Variants in KCNK12 observed in about 807,000 individuals in gnomAD.
KCNK12 encodes potassium channel subfamily K member 12.
Under a neutral mutation model 25.3 loss-of-function variants are expected in KCNK12, and 6 were observed. The ratio of observed to expected loss-of-function variants is 0.24; its 90% CI spans 0.13 to 0.47. The LOEUF is 0.47. KCNK12 is among the 20% of genes least tolerant of loss of function. The pLI is 0.99. For missense variants in KCNK12, 444 were observed against 661.7 expected, an observed-to-expected ratio of 0.67 and a Z score of 3.61; for synonymous variants, 331 against 311.1, an observed-to-expected ratio of 1.06 and a Z score of -0.67.
At chr2:47,532,227 TA>T (rs70940695) in intron 1 of KCNK12, among the ~76,000 whole-genome samples, 86 of 145,470 alleles carry the variant, frequency 5.9e-4, no homozygotes, top group East Asian at 2.6e-3. Flanking sequence ...GTAAATAGCA[TA>T]AAAAAAAAAA....
chr2:47,568,211 C>A (rs531991585), intron 1 of KCNK12, among the ~76,000 whole-genome samples: 1 of 151,824 alleles, frequency 6.6e-6, no homozygotes, highest in South Asian at 2.1e-4. Context: ...AGGGAAAGGG[C>A]GTGTTTACAA....
Position 47,534,432 on chromosome 2 carries a change from G to GCCC in KCNK12, c.392-12627_392-12625dup, listed in dbSNP as rs11406660. ...TCATTTACATACAGCCCGTCTCCAG[G>GCCC]CCCCCCCCACCGCCACCCCAAGATC... On this transcript the variant is annotated intron_variant, in intron 1 of 1. Coordinates refer to ENST00000327876, the MANE Select transcript of KCNK12 (RefSeq NM_022055.2). 1.3e-3 allele frequency among the ~76,000 whole-genome samples: 149 copies of GCCC among 117,416 alleles called. 6 individuals carry two copies. The highest frequency in any genetic ancestry group is 4.9e-3 in the African/African-American group (140 of 28,354). 77.0% of individuals were successfully genotyped at this position (117,416 alleles called of 152,430 possible). A position where few individuals can be genotyped will look rare whatever the true frequency, so the allele number is the denominator to read the frequency against.
chr2:47,517,440 C>T lies in KCNK12; in HGVS notation c.*3467G>A, dbSNP rs985296578. The T allele has an allele frequency of 7.9e-5, 12 of 152,130 alleles. No individual in the cohort carries two copies. Among genetic ancestry groups the T allele is most frequent in the African/African-American group, 2.9e-4 (12 of 41,424 alleles). The allele number at this position is 152,130 out of a possible 1,614,324, so 9.4% of individuals were successfully genotyped here. Reference sequence around the variant, plus strand: ...CATGCAAATTGTACATAAAACTCCCCCAAGGCAGAGAGGGATTTTCCAGGC... The same window carrying T: ...CATGCAAATTGTACATAAAACTCCCTCAAGGCAGAGAGGGATTTTCCAGGC... On this transcript the variant is annotated 3_prime_UTR_variant, in exon 2 of 2. Coordinates refer to ENST00000327876, the MANE Select transcript of KCNK12 (RefSeq NM_022055.2). This position sits in a 1 kb window ranked among gnomAD's most constrained non-coding sequence, Gnocchi z 4.1.
chr2:47,523,247 G>C (rs1668699983), intron 1 of KCNK12, among the ~76,000 whole-genome samples: 1 of 152,214 alleles, frequency 6.6e-6, no homozygotes, highest in South Asian at 2.1e-4. Context: ...AATGGTCTCT[G>C]AAAAGAGCTT....
chr2:47,524,528 GC>G (rs1668727361), intron 1 of KCNK12, among the ~76,000 whole-genome samples: 1 of 152,160 alleles, frequency 6.6e-6, no homozygotes, highest in South Asian at 2.1e-4. Flanking sequence ...TTTTAGGGAT[GC>G]ATGCATGGTT....
intron 1 of KCNK12, among the ~76,000 whole-genome samples, chr2:47,537,344 T>C (rs1478199555): frequency 6.6e-6 from 1 of 151,966 alleles, no homozygotes; most frequent in Non-Finnish European, 1.5e-5. Flanking sequence ...TTCTTTTTTT[T>C]TTTTGAGATG....
intron 1 of KCNK12, among the ~76,000 whole-genome samples, chr2:47,523,358 A>T (rs972571557): frequency 6.6e-6 from 1 of 152,238 alleles, no homozygotes; most frequent in Non-Finnish European, 1.5e-5. Context: ...TCAACCAAGG[A>T]TCACCATCAG....
rs1021288816 is a variant in KCNK12, at chr2:47,514,259, C to T, written c.*6648G>A. Among the ~76,000 whole-genome samples the T allele has an allele frequency of 5.9e-5, 9 of 152,360 alleles. No homozygotes were observed. In the South Asian group the frequency reaches 1.9e-3, roughly 32 times the overall value. On this transcript the variant is annotated 3_prime_UTR_variant, in exon 2 of 2. Transcript: ENST00000327876. This position sits in a 1 kb window ranked among gnomAD's most constrained non-coding sequence, Gnocchi z 5.0. ...TTCTCTGCCTACCCAGGCTGGGTGG[C>T]TGCCTCTCTTTGGTGTGCCCATGGC...
In KCNK12 at chr2:47,521,222, G is replaced by T. The variant is rs745446240; in HGVS notation, c.978C>A (p.Gly326=). 3 of 1,585,712 alleles carry T rather than the reference G, an allele frequency of 1.9e-6. No homozygotes were observed. In the South Asian group the frequency reaches 3.4e-5, roughly 18 times the overall value. The change falls in exon 2 of 2, where the codon GGC becomes GGA. Residue 326 remains glycine (G), a synonymous_variant. Coordinates refer to ENST00000327876, the MANE Select transcript of KCNK12 (RefSeq NM_022055.2). ...RCCARCCPAP[G]APLARRNAIT... Reference sequence around the variant, plus strand: ...TGGCATTGCGCCGGGCCAGGGGCGCGCCAGGAGCCGGGCAGCAGCGCGCGC... The same window carrying T: ...TGGCATTGCGCCGGGCCAGGGGCGCTCCAGGAGCCGGGCAGCAGCGCGCGC...
chr2:47,567,791 A>C (rs1669813167), intron 1 of KCNK12, among the ~76,000 whole-genome samples: 1 of 152,206 alleles, frequency 6.6e-6, no homozygotes, highest in South Asian at 2.1e-4. Context: ...GCTTGCCTAC[A>C]TCTGAAAACA....
rs566855298 is a variant in KCNK12, at chr2:47,509,825, T to C, written c.*11082A>G. On this transcript the variant is annotated 3_prime_UTR_variant, in exon 2 of 2. Coordinates refer to ENST00000327876, the MANE Select transcript of KCNK12 (RefSeq NM_022055.2). ...TCCAATTTGTGTAAGGCCAGGGGAC[T>C]TCCCCCCCACTCCCCAACCTGAGGC... Among the ~76,000 whole-genome samples, 8 of 152,310 alleles carry C rather than the reference T, an allele frequency of 5.3e-5. No individual in the cohort carries two copies. In the South Asian group the frequency reaches 1.4e-3, roughly 28 times the overall value.
chr2:47,550,983 T>C (rs1279845180), intron 1 of KCNK12, among the ~76,000 whole-genome samples: 1 of 152,168 alleles, frequency 6.6e-6, no homozygotes, highest in Non-Finnish European at 1.5e-5. Context: ...ATGCCTCTTT[T>C]GTCTCCCTGC....
chr2:47,555,503 A>G lies in KCNK12; in HGVS notation c.391+14438T>C, dbSNP rs1669534469. ...TATTCTCCATTAGTTTCCCTCCTAT[A>G]TTTATCTTCCCATAATTTACCACTT... On this transcript the variant is annotated intron_variant, in intron 1 of 1. Transcript: ENST00000327876. The surrounding 1 kb of genome is among the most constrained non-coding windows in gnomAD (Gnocchi z 4.5). Among the ~76,000 whole-genome samples, 1 of 152,124 alleles carries G rather than the reference A, an allele frequency of 6.6e-6. No individual in the cohort carries two copies. The highest frequency in any genetic ancestry group is 6.5e-5 in the Admixed American group (1 of 15,272).
intron 1 of KCNK12, among the ~76,000 whole-genome samples, chr2:47,561,836 T>G (rs1166954816): frequency 6.6e-6 from 1 of 152,198 alleles, no homozygotes; most frequent in Non-Finnish European, 1.5e-5. Context: ...GCAGGCTGGC[T>G]GCAGTGCTGG....
Position 47,517,584 on chromosome 2 carries a change from G to A in KCNK12, c.*3323C>T, listed in dbSNP as rs1283694558. 1.3e-5 allele frequency: 2 copies of A among 152,136 alleles called. No homozygotes were observed. Among genetic ancestry groups the A allele is most frequent in the Non-Finnish European group, 2.9e-5 (2 of 68,032 alleles). The allele number at this position is 152,136 out of a possible 1,614,324, so 9.4% of individuals were successfully genotyped here. On this transcript the variant is annotated 3_prime_UTR_variant, in exon 2 of 2. Coordinates refer to ENST00000327876, the MANE Select transcript of KCNK12 (RefSeq NM_022055.2). This position sits in a 1 kb window ranked among gnomAD's most constrained non-coding sequence, Gnocchi z 4.1. Reference sequence around the variant, plus strand: ...CTTTGTAAGGCTGGTGTGTATGTGTGTGTGTATATATATATACATATATGC... The same window carrying A: ...CTTTGTAAGGCTGGTGTGTATGTGTATGTGTATATATATATACATATATGC...
At chr2:47,542,865 G>A (rs1043106911) in intron 1 of KCNK12, among the ~76,000 whole-genome samples, 1 of 152,114 alleles carries the variant, frequency 6.6e-6, no homozygotes, top group Non-Finnish European at 1.5e-5. Flanking sequence ...TATACTTCTG[G>A]GCCAACAAAT....
chr2:47,564,414 T>A (rs532177165), intron 1 of KCNK12: 16 of 225,520 alleles, frequency 7.1e-5, no homozygotes, highest in African/African-American at 3.6e-4. Flanking sequence ...GTGTCATTAC[T>A]CAAAATAGCC....
At position 47,548,538 on chromosome 2, in the gene KCNK12, C is replaced by A. The variant is rs1366266964; in HGVS notation, c.391+21403G>T. On this transcript the variant is annotated intron_variant, in intron 1 of 1. Coordinates refer to ENST00000327876, the MANE Select transcript of KCNK12 (RefSeq NM_022055.2). The surrounding 1 kb of genome is among the most constrained non-coding windows in gnomAD (Gnocchi z 4.4). ...TTTTTTATTCTTTTGCTTTCTCTCA[C>A]ACCCTACATCTGATCCAGGAACAAA... Among the ~76,000 whole-genome samples the A allele has an allele frequency of 6.6e-6, 1 of 152,204 alleles. No individual in the cohort carries two copies. Among genetic ancestry groups the A allele is most frequent in the Non-Finnish European group, 1.5e-5 (1 of 68,044 alleles).
rs1191064667 is a variant in KCNK12, at chr2:47,556,762, G to A, written c.391+13179C>T. On this transcript the variant is annotated intron_variant, in intron 1 of 1. Transcript: ENST00000327876. The surrounding 1 kb of genome is among the most constrained non-coding windows in gnomAD (Gnocchi z 4.8). ...AGATGGTGGAAAAATAAGAGTGGGA[G>A]TGTAAAGGACCTGTAGGTCTTACAG... is the stretch of plus-strand genomic sequence containing the variant. 1.3e-5 allele frequency among the ~76,000 whole-genome samples: 2 copies of A among 152,126 alleles called. No individual in the cohort carries two copies. Among genetic ancestry groups the A allele is most frequent in the Non-Finnish European group, 2.9e-5 (2 of 68,024 alleles).
Sources: gnomAD v4.1 joint callset for allele counts (sites outside exome capture counted in the v4.1 genomes callset) on GRCh38, gnomAD v4.1.1 for gene constraint, Gnocchi (gnomAD v3.1) non-coding constraint, MANE v1.5 for transcripts, NCBI Gene and HGNC (gene_info 2026-07-23, HGNC 2026-07-21) for gene names.